Variants in GABRB3 observed in about 807,000 individuals in gnomAD.
GABRB3 encodes gamma-aminobutyric acid type A receptor subunit beta3.
In GABRB3, 14 loss-of-function variants were observed where a neutral mutation model predicts 52.1. The observed-to-expected ratio is 0.27, with a 90% CI of 0.18 to 0.42. The LOEUF (loss-of-function observed/expected upper bound fraction) is 0.42. Ranked by LOEUF, GABRB3 falls within the 10% of genes least tolerant of loss-of-function variation. GABRB3 has a pLI of 1.00. For synonymous variants in GABRB3, 260 were observed against 232.3 expected (o/e 1.12, Z -1.08); for missense variants, 307 against 609.1 (o/e 0.50, Z 5.22).
chr15:26,757,754 C>T (rs1890702758), intron 3 of GABRB3, among the ~76,000 whole-genome samples: 2 of 152,314 alleles, frequency 1.3e-5, no homozygotes, highest in South Asian at 4.1e-4. Flanking sequence ...CACTGTTTTG[C>T]CTCCTTCCAG....
At chr15:26,751,678 G>C (rs966853937) in intron 3 of GABRB3, among the ~76,000 whole-genome samples, 2 of 151,966 alleles carry the variant, frequency 1.3e-5, no homozygotes, top group African/African-American at 2.4e-5. Context: ...CCCCTCATAA[G>C]GGGGTCCTTT....
chr15:26,586,693 A>AC (rs1891002598), intron 4 of GABRB3, among the ~76,000 whole-genome samples: 1 of 132,948 alleles, frequency 7.5e-6, no homozygotes, highest in Non-Finnish European at 1.6e-5. Context: ...TCTCAAAAAA[A>AC]AAAAAAAAAA....
chr15:26,581,336 T>G (rs1483952144), intron 5 of GABRB3: 1 of 152,318 alleles, frequency 6.6e-6, no homozygotes, highest in Non-Finnish European at 1.5e-5. Context: ...ACTCAATATT[T>G]AATGTTAGTC....
chr15:26,664,704 G>GTTTTTTTTTTTTTTTTTTTTTTTTTTTTT lies in GABRB3; in HGVS notation c.241-43171_241-43170insAAAAAAAAAAAAAAAAAAAAAAAAAAAAA, dbSNP rs1162139952. 2.1e-5 allele frequency among the ~76,000 whole-genome samples: 2 copies of GTTTTTTTTTTTTTTTTTTTTTTTTTTTTT among 95,224 alleles called. 1 individual carries two copies. The highest frequency in any genetic ancestry group is 8.3e-5 in the African/African-American group (2 of 23,980). 62.5% of individuals were successfully genotyped at this position (95,224 alleles called of 152,430 possible). On this transcript the variant is annotated intron_variant, in intron 3 of 8. Transcript: ENST00000311550. ...CCTTATCATTTCTTTTCTTTTCTTTGTTTTTTTTTTTTTTTTTTTGGTGGA... is the reference window on the plus strand; with the variant it reads ...CCTTATCATTTCTTTTCTTTTCTTTGTTTTTTTTTTTTTTTTTTTTTTTTTTTTTTTTTTTTTTTTTTTTTTTTGGTGGA...
At chr15:26,559,653 C>A (rs1319403138) in intron 8 of GABRB3, among the ~76,000 whole-genome samples, 1 of 152,134 alleles carries the variant, frequency 6.6e-6, no homozygotes, top group Non-Finnish European at 1.5e-5. Flanking sequence ...TGTTTATAAT[C>A]ACAATAACAT....
chr15:26,551,133 T>TA (rs1848440998), intron 8 of GABRB3, among the ~76,000 whole-genome samples: 1 of 152,220 alleles, frequency 6.6e-6, no homozygotes. Context: ...AAAGTACACC[T>TA]AGTGCTGGGT....
At chr15:26,712,138 G>A (rs1490582839) in intron 3 of GABRB3, among the ~76,000 whole-genome samples, 1 of 151,634 alleles carries the variant, frequency 6.6e-6, no homozygotes, top group Non-Finnish European at 1.5e-5. Context: ...GGGAGGATGT[G>A]AAGGAGAAGG....
At chr15:26,685,660 G>A (rs1286396999) in intron 3 of GABRB3, among the ~76,000 whole-genome samples, 3 of 152,146 alleles carry the variant, frequency 2.0e-5, no homozygotes, top group Non-Finnish European at 4.4e-5. Flanking sequence ...TTATGAAACA[G>A]TTTATTCAAA....
At chr15:26,607,549 G>A (rs1049973880) in intron 4 of GABRB3, among the ~76,000 whole-genome samples, 1 of 151,692 alleles carries the variant, frequency 6.6e-6, no homozygotes, top group Non-Finnish European at 1.5e-5. Flanking sequence ...TCCAGCCTAG[G>A]TGACAAAGGG....
intron 8 of GABRB3, among the ~76,000 whole-genome samples, chr15:26,552,158 C>T (rs1466766410): frequency 6.6e-6 from 1 of 152,154 alleles, no homozygotes; most frequent in African/African-American, 2.4e-5. Flanking sequence ...CAGGCATGTG[C>T]CACCACACCC....
chr15:26,762,241 AT>A (rs138486697), intron 3 of GABRB3, among the ~76,000 whole-genome samples: 8,221 of 152,268 alleles, frequency 0.054, 443 homozygotes, highest in African/African-American at 0.14. Context: ...AAAATATCTT[AT>A]TTTTTAAAAT....
At position 26,736,552 on chromosome 15, in the gene GABRB3, T is replaced by C. The variant is rs61996870; in HGVS notation, c.240+35850A>G. Reference sequence around the variant, plus strand: ...AATCCGGAGTTTGAGGAAAGCATATTGCAATGTCACTCTGTGAGCTGCCCC... The same window carrying C: ...AATCCGGAGTTTGAGGAAAGCATATCGCAATGTCACTCTGTGAGCTGCCCC... On this transcript the variant is annotated intron_variant, in intron 3 of 8. Coordinates refer to ENST00000311550, the MANE Select transcript of GABRB3 (RefSeq NM_000814.6). 7.5e-3 allele frequency among the ~76,000 whole-genome samples: 1,145 copies of C among 152,332 alleles called. 6 individuals are homozygous for C. The highest frequency in any genetic ancestry group is 0.014 in the Non-Finnish European group (940 of 68,028).
chr15:26,661,534 T>C (rs1407298503), intron 3 of GABRB3, among the ~76,000 whole-genome samples: 1 of 152,190 alleles, frequency 6.6e-6, no homozygotes, highest in Non-Finnish European at 1.5e-5. Flanking sequence ...AGGGAACATT[T>C]ACAAGGTGCT....
At chr15:26,604,043 CTATT>C (rs1182695216) in intron 4 of GABRB3, among the ~76,000 whole-genome samples, 3 of 152,022 alleles carry the variant, frequency 2.0e-5, no homozygotes, top group Non-Finnish European at 4.4e-5. Flanking sequence ...CATGAAAAAA[CTATT>C]TGTTTACTGC....
At chr15:26,625,592 A>T in intron 3 of GABRB3, 237 of 162,412 alleles carry the variant, frequency 1.5e-3, no homozygotes, top group Non-Finnish European at 2.1e-3. Flanking sequence ...AAGGAATAGC[A>T]GAGGGGACAC....
rs1160269585 is a variant in GABRB3 at position 26,621,222 on chromosome 15, C to G, written c.461+92G>C. On this transcript the variant is annotated intron_variant, in intron 4 of 8. Coordinates refer to ENST00000311550, the MANE Select transcript of GABRB3 (RefSeq NM_000814.6). This position sits in a 1 kb window ranked among gnomAD's most constrained non-coding sequence, Gnocchi z 4.1. ...AGATGCTTCCTAATTTATCTGAGGT[C>G]ATTGCCTCACTTACAATAATCATCT... 1.0e-6 allele frequency: 1 copy of G among 996,332 alleles called. No individual in the cohort carries two copies. The highest frequency in any genetic ancestry group is 1.6e-6 in the Non-Finnish European group (1 of 619,100). 61.7% of individuals were successfully genotyped at this position (996,332 alleles called of 1,614,324 possible).
intron 3 of GABRB3, among the ~76,000 whole-genome samples, chr15:26,635,477 T>C (rs982162728): frequency 9.9e-5 from 15 of 151,996 alleles, no homozygotes; most frequent in South Asian, 2.1e-4. Flanking sequence ...GAGTATCACT[T>C]AAAATTACTT....
intron 4 of GABRB3, among the ~76,000 whole-genome samples, chr15:26,585,858 T>C (rs1890961368): frequency 6.6e-6 from 1 of 152,240 alleles, no homozygotes; most frequent in Non-Finnish European, 1.5e-5. Context: ...GCATGTGTTA[T>C]GGCAGATTGA....
At position 26,578,947 on chromosome 15, in the gene GABRB3, G is replaced by A. The variant is rs113470142; in HGVS notation, c.682+1372C>T. Among the ~76,000 whole-genome samples the A allele has an allele frequency of 6.7e-4, 102 of 152,324 alleles. 1 individual carries two copies. The highest frequency in any genetic ancestry group is 2.2e-3 in the African/African-American group (90 of 41,574). On this transcript the variant is annotated intron_variant, in intron 6 of 8. Coordinates refer to ENST00000311550, the MANE Select transcript of GABRB3 (RefSeq NM_000814.6). ...CTCCCTGAGGTAAACCTCTCAGTGC[G>A]TCTTCTCCGGAGAATGCAGGGACAT...
Sources: allele counts gnomAD v4.1 joint callset (sites outside exome capture counted in the v4.1 genomes callset), GRCh38; gene constraint gnomAD v4.1.1; non-coding constraint Gnocchi (gnomAD v3.1); transcripts MANE v1.5; gene names NCBI Gene and HGNC (gene_info 2026-07-23, HGNC 2026-07-21).